The following NOVA1 variants were observed in gnomAD, a reference collection of about 807,000 sequenced individuals.
NOVA1 encodes the protein NOVA alternative splicing regulator 1.
Under a neutral mutation model 38.0 loss-of-function variants are expected in NOVA1, and 7 were observed. The observed-to-expected ratio is 0.18, with a 90% CI of 0.10 to 0.35. The LOEUF (loss-of-function observed/expected upper bound fraction) is 0.35, where lower values mean the gene tolerates loss of function less well. Among genes scored for constraint, NOVA1 ranks in the 10% least tolerant of loss-of-function variants. The probability of loss-of-function intolerance (pLI) is 1.00; values close to 1 mark genes in which losing one functional copy is unlikely to be tolerated. For missense variants in NOVA1, 460 were observed against 616.0 expected, an observed-to-expected ratio of 0.75 and a Z score of 2.68; for synonymous variants, 270 against 232.5, an observed-to-expected ratio of 1.16 and a Z score of -1.47.
rs1452182593 is a variant in NOVA1, at chr14:26,472,401, A to G, written c.448-10T>C. On this transcript the variant is annotated splice_polypyrimidine_tract_variant and intron_variant, in intron 3 of 4. Transcript: ENST00000539517. ...GGGAAGATGGCAATGTCTGGGAAAC[A>G]AAGCAGTTCAGGAGCAAATCAACCT... is the stretch of plus-strand genomic sequence containing the variant. The G allele has an allele frequency of 1.3e-6, 2 of 1,487,084 alleles. No homozygotes were observed. Among genetic ancestry groups the G allele is most frequent in the Non-Finnish European group, 1.8e-6 (2 of 1,101,408 alleles). 92.1% of individuals were successfully genotyped at this position (1,487,084 alleles called of 1,614,324 possible). A position where few individuals can be genotyped will look rare whatever the true frequency, so the allele number is the denominator to read the frequency against.
In NOVA1 at chr14:26,513,726, T is replaced by A. The variant is rs555851787; in HGVS notation, c.281-33583A>T. ...TAAAAATACTGATAAATATTAATACTAAAACAAATGAAAAGTATTCTCAAC... is the reference window on the plus strand; with the variant it reads ...TAAAAATACTGATAAATATTAATACAAAAACAAATGAAAAGTATTCTCAAC... On this transcript the variant is annotated intron_variant, in intron 2 of 4. Transcript: ENST00000539517. 1.7e-3 allele frequency among the ~76,000 whole-genome samples: 256 copies of A among 151,872 alleles called. 2 individuals carry two copies. Among genetic ancestry groups the A allele is most frequent in the African/African-American group, 5.5e-3 (230 of 41,554 alleles).
intron 2 of NOVA1, among the ~76,000 whole-genome samples, chr14:26,485,363 T>A (rs1225814646): frequency 6.6e-6 from 1 of 152,134 alleles, no homozygotes; most frequent in Non-Finnish European, 1.5e-5. Context: ...AGCAGATATA[T>A]TTCGGAAAAT....
intron 2 of NOVA1, among the ~76,000 whole-genome samples, chr14:26,554,525 C>A (rs552075420): frequency 6.6e-6 from 1 of 152,272 alleles, no homozygotes; most frequent in East Asian, 1.9e-4. Context: ...TCAAGTTAAA[C>A]TGACTTTACT....
At chr14:26,451,491 G>A (rs940730558) in intron 4 of NOVA1, among the ~76,000 whole-genome samples, 6 of 151,714 alleles carry the variant, frequency 4.0e-5, no homozygotes, top group Non-Finnish European at 7.4e-5. Flanking sequence ...CCTCAGTTTC[G>A]CAAGTAGCTG....
At chr14:26,564,349 T>C (rs903787130) in intron 2 of NOVA1, among the ~76,000 whole-genome samples, 2 of 152,080 alleles carry the variant, frequency 1.3e-5, no homozygotes, top group Non-Finnish European at 2.9e-5. Context: ...ATTAATTCAG[T>C]CCTCACAACA....
chr14:26,461,083 T>C (rs529584045), intron 4 of NOVA1, among the ~76,000 whole-genome samples: 2 of 152,238 alleles, frequency 1.3e-5, no homozygotes, highest in South Asian at 4.1e-4. Flanking sequence ...AGGGAAAACT[T>C]TGATGAAACA....
intron 2 of NOVA1, among the ~76,000 whole-genome samples, chr14:26,587,302 A>AAG (rs1893576499): frequency 9.5e-6 from 1 of 104,770 alleles, no homozygotes; most frequent in African/African-American, 2.6e-5. Flanking sequence ...AGGGATCTAA[A>AAG]ATATATAAAA....
intron 2 of NOVA1, among the ~76,000 whole-genome samples, chr14:26,586,431 A>G (rs999217069): frequency 6.6e-6 from 1 of 151,266 alleles, no homozygotes; most frequent in Non-Finnish European, 1.5e-5. Context: ...TTTTTTAATC[A>G]TGGTATTTAT....
At chr14:26,529,536 G>C (rs1889550329) in intron 2 of NOVA1, among the ~76,000 whole-genome samples, 1 of 152,188 alleles carries the variant, frequency 6.6e-6, no homozygotes. Context: ...CAGCAATGGT[G>C]AATGTATACT....
chr14:26,482,646 A>G (rs1390698748), intron 2 of NOVA1, among the ~76,000 whole-genome samples: 1 of 152,244 alleles, frequency 6.6e-6, no homozygotes, highest in Non-Finnish European at 1.5e-5. Flanking sequence ...AACCAGTTAC[A>G]TAAAAGTACA....
intron 4 of NOVA1, 173 bp downstream of exon 4, chr14:26,472,147 G>A (rs1346906952): frequency 1.1e-5 from 6 of 523,172 alleles, no homozygotes; most frequent in Non-Finnish European, 1.4e-5. Context: ...AATTAAAAAT[G>A]CATATAAAAT....
chr14:26,466,001 T>C (rs1884098745), intron 4 of NOVA1, among the ~76,000 whole-genome samples: 1 of 152,040 alleles, frequency 6.6e-6, no homozygotes, highest in Admixed American at 6.6e-5. Context: ...GGAGGCCAGG[T>C]TGCCATATAA....
At chr14:26,584,768 G>T (rs573166604) in intron 2 of NOVA1, among the ~76,000 whole-genome samples, 1 of 151,410 alleles carries the variant, frequency 6.6e-6, no homozygotes, top group South Asian at 2.1e-4. Flanking sequence ...GCTCCTCTTC[G>T]AAGTCTTCTT....
At chr14:26,493,556 C>T (rs1886523719) in intron 2 of NOVA1, among the ~76,000 whole-genome samples, 1 of 152,162 alleles carries the variant, frequency 6.6e-6, no homozygotes, top group Non-Finnish European at 1.5e-5. Context: ...TGCACTATCA[C>T]AGGAATACAC....
rs1274000989 is a variant in NOVA1 at position 26,537,935 on chromosome 14, T to A, written c.280+57475A>T. Among the ~76,000 whole-genome samples the A allele has an allele frequency of 5.3e-5, 8 of 152,286 alleles. No homozygotes were observed. The East Asian group carries it at 1.4e-3, about 26-fold the overall frequency. ...TGGAACATGAATGATGAACCTTCTCTCACAGTCATGAGTGAAGATGTAGAG... is the reference window on the plus strand; with the variant it reads ...TGGAACATGAATGATGAACCTTCTCACACAGTCATGAGTGAAGATGTAGAG... On this transcript the variant is annotated intron_variant, in intron 2 of 4. Coordinates refer to ENST00000539517, the MANE Select transcript of NOVA1 (RefSeq NM_002515.3).
In NOVA1 at chr14:26,443,584, T is replaced by C. The variant is rs566412129; in HGVS notation, c.*4375A>G. 1.3e-4 allele frequency: 20 copies of C among 152,428 alleles called. No homozygotes were observed. The highest frequency in any genetic ancestry group is 3.4e-3 in the Middle Eastern group (1 of 294). 9.4% of individuals were successfully genotyped at this position (152,428 alleles called of 1,614,324 possible). ...AAGTTATTTATTTGGGGCACATATCTGATGAAACAAAAAATAACATGCAGA... is the reference window on the plus strand; with the variant it reads ...AAGTTATTTATTTGGGGCACATATCCGATGAAACAAAAAATAACATGCAGA... On this transcript the variant is annotated 3_prime_UTR_variant, in exon 5 of 5. Transcript: ENST00000539517.
chr14:26,457,611 C>T (rs1178190207), intron 4 of NOVA1, among the ~76,000 whole-genome samples: 3 of 152,078 alleles, frequency 2.0e-5, no homozygotes, highest in Non-Finnish European at 4.4e-5. Flanking sequence ...GTGTACAGTA[C>T]ATAAAACCTG....
At chr14:26,542,336 C>T (rs951437577) in intron 2 of NOVA1, among the ~76,000 whole-genome samples, 1 of 151,660 alleles carries the variant, frequency 6.6e-6, no homozygotes, top group South Asian at 2.1e-4. Flanking sequence ...ACTTAAAATG[C>T]TTTTTGGATT....
chr14:26,452,529 T>C (rs886608384), intron 4 of NOVA1, among the ~76,000 whole-genome samples: 1 of 152,218 alleles, frequency 6.6e-6, no homozygotes, highest in Non-Finnish European at 1.5e-5. Context: ...AATGTCTGTA[T>C]ACTGATAGTA....
Sources: allele counts gnomAD v4.1 joint callset (sites outside exome capture counted in the v4.1 genomes callset), GRCh38; gene constraint gnomAD v4.1.1; transcripts MANE v1.5; gene names NCBI Gene and HGNC (gene_info 2026-07-23, HGNC 2026-07-21).